Variants in SRRD observed in about 807,000 individuals in gnomAD.
The protein encoded by SRRD is SRR1-like protein.
In SRRD, 28 loss-of-function variants were observed where a neutral mutation model predicts 30.7. The observed-to-expected ratio is 0.91, with a 90% CI of 0.68 to 1.25. The LOEUF (loss-of-function observed/expected upper bound fraction) is 1.25, where lower values mean the gene tolerates loss of function less well. Ranked by LOEUF, SRRD falls within the 50% of genes most tolerant of loss-of-function variation. The pLI, the probability that SRRD is intolerant of heterozygous loss-of-function variation, is 0.00. For synonymous variants in SRRD, 161 were observed against 159.6 expected (o/e 1.01, Z -0.07); for missense variants, 415 against 417.3 (o/e 0.99, Z 0.05).
chr22:26,488,120 C>T lies in SRRD; in HGVS notation c.342C>T (p.Asp114=), dbSNP rs199800294. 1.9e-6 allele frequency: 3 copies of T among 1,614,222 alleles called. No homozygotes were observed. The highest frequency in any genetic ancestry group is 2.2e-5 in the East Asian group (1 of 44,878). Residue 114 remains aspartate, a synonymous_variant, in exon 3 of 7, where the codon GAC becomes GAT. Coordinates refer to ENST00000215917, the MANE Select transcript of SRRD (RefSeq NM_001013694.3). ...ACATCTTTGGAAACCTGCATCTTGA[C>T]TCATTGCCAGAGGAGTCAGATGTGG... The part of the protein sequence containing the change: ...LSDIFGNLHL[D]SLPEESDVAT...
chr22:26,484,027 C>T lies in SRRD; in HGVS notation c.137C>T (p.Ala46Val), dbSNP rs1056731318. 7 of 1,436,170 alleles carry T rather than the reference C, an allele frequency of 4.9e-6. No individual in the cohort carries two copies. The highest frequency in any genetic ancestry group is 5.5e-6 in the Non-Finnish European group (6 of 1,099,806). The allele number at this position is 1,436,170 out of a possible 1,614,324, so 89.0% of individuals were successfully genotyped here. ...GREAAPRGRE[A>V]APRGPEAEFE... ...GAGGCGGCGCCCCGGGGGAGAGAGG[C>T]GGCGCCCCGGGGCCCCGAGGCGGAG... Residue 46 changes from alanine to valine, a missense_variant, in exon 1 of 7, where the codon GCG (alanine) becomes GTG (valine). By Grantham distance (64) the Ala-to-Val change is moderately conservative. Coordinates refer to ENST00000215917, the MANE Select transcript of SRRD (RefSeq NM_001013694.3).
Position 26,492,981 on chromosome 22 carries a change from A to G in SRRD, c.*1309A>G, listed in dbSNP as rs1921406726. The G allele has an allele frequency of 6.5e-6, 1 of 152,736 alleles. No individual in the cohort carries two copies. Among genetic ancestry groups the G allele is most frequent in the African/African-American group, 2.4e-5 (1 of 41,376 alleles). The allele number at this position is 152,736 out of a possible 1,614,324, so 9.5% of individuals were successfully genotyped here. ...TTGATAATTACAGAAGCAGAGAAGT[A>G]TATTTGCCTTATTACTTAATCTCTG... On this transcript the variant is annotated 3_prime_UTR_variant, in exon 7 of 7. Coordinates refer to ENST00000215917, the MANE Select transcript of SRRD (RefSeq NM_001013694.3).
At chr22:26,485,685 T>C (rs1033587555) in intron 1 of SRRD, among the ~76,000 whole-genome samples, 1 of 152,214 alleles carries the variant, frequency 6.6e-6, no homozygotes, top group Non-Finnish European at 1.5e-5. Context: ...ATGAGGAAAC[T>C]AAAGCTCAGA....
At position 26,488,238 on chromosome 22, in the gene SRRD, G is replaced by A. The variant is rs763105932; in HGVS notation, c.460G>A (p.Val154Ile). The part of the protein sequence containing the change: ...YGIGNFATCI[V>I]ARNQLTFLLL... Reference sequence around the variant, plus strand: ...CATTGGGAACTTTGCCACCTGCATCGTAGCTAGAAACCAGCTAACGTTTTT... The same window carrying A: ...CATTGGGAACTTTGCCACCTGCATCATAGCTAGAAACCAGCTAACGTTTTT... Residue 154 changes from valine to isoleucine, a missense_variant, in exon 3 of 7, where the codon GTA becomes ATA. Physicochemically the swap from Val to Ile is conservative, Grantham distance 29. Coordinates refer to ENST00000215917, the MANE Select transcript of SRRD (RefSeq NM_001013694.3). The A allele has an allele frequency of 8.1e-6, 13 of 1,614,060 alleles. No individual in the cohort carries two copies. The highest frequency in any genetic ancestry group is 4.5e-5 in the East Asian group (2 of 44,892).
rs1461812789 is a variant in SRRD at position 26,491,573 on chromosome 22, CAT to C, written c.923_924del (p.Ile308ArgfsTer15). ...FPVQKLEQLS[I>X]DIWEFREEPD... is the part of the protein sequence containing the mutation. ...CTGTGCAAAAGCTAGAACAGCTCTCCATAGATATTTGGGAGTTTCGGGAAGAA... is the reference window on the plus strand; with the variant it reads ...CTGTGCAAAAGCTAGAACAGCTCTCCAGATATTTGGGAGTTTCGGGAAGAA... On this transcript the variant is annotated frameshift_variant, in exon 7 of 7. Coordinates refer to ENST00000215917, the MANE Select transcript of SRRD (RefSeq NM_001013694.3). LOFTEE classifies it low-confidence loss of function (END_TRUNC). 2 of 1,614,008 alleles carry C rather than the reference CAT, an allele frequency of 1.2e-6. No individual in the cohort carries two copies. Among genetic ancestry groups the C allele is most frequent in the Non-Finnish European group, 1.7e-6 (2 of 1,179,990 alleles).
chr22:26,488,897 C>CAGTCAA lies in SRRD; in HGVS notation c.609+411_609+416dup, dbSNP rs1415547970. On this transcript the variant is annotated intron_variant, in intron 4 of 6. Coordinates refer to ENST00000215917, the MANE Select transcript of SRRD (RefSeq NM_001013694.3). ...AGCATTCCTCTTTGATGCTATAACC[C>CAGTCAA]AGTCAAACCCATAGCACCTGGCTGT... 1.6e-4 allele frequency among the ~76,000 whole-genome samples: 24 copies of CAGTCAA among 152,178 alleles called. 1 individual carries two copies. Among genetic ancestry groups the CAGTCAA allele is most frequent in the African/African-American group, 5.8e-4 (24 of 41,426 alleles).
chr22:26,487,957 T>A (rs1602181505), intron 2 of SRRD, 72 bp from the exon 3 acceptor site: 1 of 1,499,880 alleles, frequency 6.7e-7, no homozygotes, highest in East Asian at 2.3e-5. Context: ...TATGTGAACT[T>A]CTTTTGTGGA....
rs951650594 is a variant in SRRD at position 26,491,950 on chromosome 22, T to C, written c.*278T>C. ...CCTTTTGAAGGTGATCTAAAAATAC[T>C]GTTTATTTACAGTACATCCCTCTTA... is the stretch of plus-strand genomic sequence containing the variant. On this transcript the variant is annotated 3_prime_UTR_variant, in exon 7 of 7. Transcript: ENST00000215917. 2.8e-6 allele frequency: 4 copies of C among 1,442,744 alleles called. No homozygotes were observed. In the African/African-American group the frequency reaches 5.7e-5, roughly 20 times the overall value. The allele number at this position is 1,442,744 out of a possible 1,614,324, so 89.4% of individuals were successfully genotyped here. A position where few individuals can be genotyped will look rare whatever the true frequency, so the allele number is the denominator to read the frequency against.
At chr22:26,485,836 C>T (rs973970002) in intron 1 of SRRD, among the ~76,000 whole-genome samples, 187 bp from the exon 2 acceptor site, 3 of 152,196 alleles carry the variant, frequency 2.0e-5, no homozygotes, top group African/African-American at 4.8e-5. Flanking sequence ...AGTCTCTGAG[C>T]CCCAGCAGTA....
chr22:26,492,440 C>A lies in SRRD; in HGVS notation c.*768C>A. On this transcript the variant is annotated 3_prime_UTR_variant, in exon 7 of 7. Transcript: ENST00000215917. ...TATGGAAGTTGACACTGTGGCTTGG[C>A]CCAGGTCTTGGGTGTGCCAGAGTGC... 6.9e-7 allele frequency: 1 copy of A among 1,452,408 alleles called. No individual in the cohort carries two copies. The highest frequency in any genetic ancestry group is 9.5e-7 in the Non-Finnish European group (1 of 1,049,578). The allele number at this position is 1,452,408 out of a possible 1,614,324, so 90.0% of individuals were successfully genotyped here.
Position 26,492,086 on chromosome 22 carries a change from C to G in SRRD, c.*414C>G. ...CTTCTCGCCCTGGACAAAGACCACT[C>G]CCCGGTCGATGTAGATCACAATGCG... On this transcript the variant is annotated 3_prime_UTR_variant, in exon 7 of 7. Transcript: ENST00000215917. The G allele has an allele frequency of 2.5e-6, 4 of 1,613,482 alleles. No homozygotes were observed. The highest frequency in any genetic ancestry group is 3.4e-6 in the Non-Finnish European group (4 of 1,179,732).
Position 26,488,372 on chromosome 22 carries a change from C to T in SRRD, c.511-18C>T. ...CAGATGTTTGGGTTGAAGTAAACAA[C>T]TCATTCTTCCCTTCTAGATTCCCAG... is the stretch of plus-strand genomic sequence containing the variant. On this transcript the variant is annotated intron_variant, in intron 3 of 6. Transcript: ENST00000215917. 6.2e-7 allele frequency: 1 copy of T among 1,613,818 alleles called. No homozygotes were observed. Among genetic ancestry groups the T allele is most frequent in the Non-Finnish European group, 8.5e-7 (1 of 1,179,658 alleles).
At chr22:26,491,304 C>T (rs528463659) in intron 6 of SRRD, 159 bp from the exon 7 acceptor site, 33 of 732,006 alleles carry the variant, frequency 4.5e-5, no homozygotes, top group African/African-American at 8.9e-5. Context: ...GTCCTTGGGG[C>T]GCCCAATTCA....
rs1206386346 is a variant in SRRD at position 26,494,304 on chromosome 22, C to T, written c.*2632C>T. 1 of 1,614,190 alleles carries T rather than the reference C, an allele frequency of 6.2e-7. No homozygotes were observed. Among genetic ancestry groups the T allele is most frequent in the Admixed American group, 1.7e-5 (1 of 60,030 alleles). ...CTGTTACTGAGCCAAGAGCACAGCA[C>T]CTGCCAAAAAGAAAAATTACTTGCA... On this transcript the variant is annotated 3_prime_UTR_variant, in exon 7 of 7. Transcript: ENST00000215917.
intron 5 of SRRD, 116 bp downstream of exon 5, chr22:26,490,314 A>T: frequency 8.4e-7 from 1 of 1,195,290 alleles, no homozygotes; most frequent in Non-Finnish European, 1.2e-6. Flanking sequence ...ATGCTTTTCC[A>T]CAGGGAACTG....
At chr22:26,490,558 G>GTTTTTTTTTTT (rs1491237870) in intron 5 of SRRD, among the ~76,000 whole-genome samples, 2 of 25,706 alleles carry the variant, frequency 7.8e-5, no homozygotes, top group Admixed American at 4.8e-4. Flanking sequence ...TGGAATATTT[G>GTTTTTTTTTTT]CTTTTTTTTT....
At chr22:26,486,914 CTTTTTTTTT>C (rs57889671) in intron 2 of SRRD, among the ~76,000 whole-genome samples, 2 of 128,880 alleles carry the variant, frequency 1.6e-5, no homozygotes, top group African/African-American at 5.8e-5. Flanking sequence ...GTCTTTGCTG[CTTTTTTTTT>C]TTTTTTTTTT....
chr22:26,492,332 G>C lies in SRRD; in HGVS notation c.*660G>C. 6.2e-7 allele frequency: 1 copy of C among 1,614,168 alleles called. No individual in the cohort carries two copies. Among genetic ancestry groups the C allele is most frequent in the Non-Finnish European group, 8.5e-7 (1 of 1,180,040 alleles). On this transcript the variant is annotated 3_prime_UTR_variant, in exon 7 of 7. Transcript: ENST00000215917. ...CCTCCGCTCCGTGTGGGTGAGATAG[G>C]CAATGTTCTCCCGTGCTCCTGGCTG...
At chr22:26,491,250 C>A (rs1921133892) in intron 6 of SRRD, 180 bp downstream of exon 6, 1 of 749,362 alleles carries the variant, frequency 1.3e-6, no homozygotes. Flanking sequence ...TTAGTTTTTT[C>A]CTTATTTCCT....
Sources: gnomAD v4.1 joint callset for allele counts (sites outside exome capture counted in the v4.1 genomes callset) on GRCh38, gnomAD v4.1.1 for gene constraint, MANE v1.5 for transcripts, NCBI Gene and HGNC (gene_info 2026-07-23, HGNC 2026-07-21) for gene names.